The following ANKS3 variants were observed in gnomAD, a reference collection of about 807,000 sequenced individuals.
The protein encoded by ANKS3 is ankyrin repeat and SAM domain-containing protein 3.
A neutral mutation model predicts 80.7 loss-of-function variants in ANKS3; 62 were observed. That is an observed-to-expected ratio of 0.77 (90% confidence interval 0.63 to 0.95). ANKS3 has a LOEUF of 0.95. ANKS3 is among the 40% of genes least tolerant of loss of function. The pLI, the probability that ANKS3 is intolerant of heterozygous loss-of-function variation, is 0.00. For synonymous variants in ANKS3, 489 were observed against 355.3 expected (o/e 1.38, Z -4.23); for missense variants, 1,150 against 883.6 (o/e 1.30, Z -3.82).
At chr16:4,702,035 G>C in intron 9 of ANKS3, 67 bp downstream of exon 9, 2 of 1,492,308 alleles carry the variant, frequency 1.3e-6, no homozygotes, top group Non-Finnish European at 1.8e-6. Flanking sequence ...GGGATAAGTG[G>C]GGATGGGCAC....
chr16:4,727,892 G>A (rs900511154), intron 3 of ANKS3: 2 of 152,984 alleles, frequency 1.3e-5, no homozygotes, highest in African/African-American at 4.8e-5. Flanking sequence ...TTGGGACAAG[G>A]GAGTCACATT....
intron 14 of ANKS3, 94 bp from the exon 15 acceptor site, chr16:4,698,156 C>G: frequency 3.6e-6 from 5 of 1,395,826 alleles, no homozygotes; most frequent in Non-Finnish European, 4.9e-6. Context: ...GGGGCTCAGC[C>G]CTGTCCTTGC....
Position 4,714,109 on chromosome 16 carries a change from G to T in ANKS3, c.651C>A (p.Ile217=). The T allele has an allele frequency of 6.2e-7, 1 of 1,614,170 alleles. No individual in the cohort carries two copies. The highest frequency in any genetic ancestry group is 8.5e-7 in the Non-Finnish European group (1 of 1,180,036). ...MLAKQYGHMK[I]VALMDTYSPS... ...GCGAGTAAGTGTCCATCAAGGCCAC[G>T]ATCTTCATGTGTCCGTACTGCTTGG... is the stretch of plus-strand genomic sequence containing the variant. Residue 217 remains isoleucine (I), a synonymous_variant, in exon 7 of 18, where the codon ATC becomes ATA. Coordinates refer to ENST00000304283, the MANE Select transcript of ANKS3 (RefSeq NM_133450.4).
intron 7 of ANKS3, 64 bp downstream of exon 7, chr16:4,713,987 C>G: frequency 6.3e-7 from 1 of 1,579,974 alleles, no homozygotes; most frequent in Non-Finnish European, 8.6e-7. Context: ...CTTTCTCTGC[C>G]AGGTCACCTA....
intron 1 of ANKS3, among the ~76,000 whole-genome samples, chr16:4,731,817 C>T (rs2081631943): frequency 6.6e-6 from 1 of 152,172 alleles, no homozygotes; most frequent in South Asian, 2.1e-4. Context: ...GTAACACTTT[C>T]CCCGAGATGG....
intron 5 of ANKS3, among the ~76,000 whole-genome samples, chr16:4,725,303 T>C (rs1432673862): frequency 1.3e-5 from 2 of 152,228 alleles, no homozygotes; most frequent in Non-Finnish European, 2.9e-5. Flanking sequence ...TGCTTGGTTA[T>C]GCTAACTCGG....
chr16:4,704,397 A>G (rs997049998), intron 8 of ANKS3, among the ~76,000 whole-genome samples: 2 of 152,114 alleles, frequency 1.3e-5, no homozygotes, highest in Admixed American at 1.3e-4. Flanking sequence ...CCTGGCTATG[A>G]GTGGGTGACA....
At chr16:4,699,709 T>TC (rs2079792874) in intron 11 of ANKS3, 1 of 158,952 alleles carries the variant, frequency 6.3e-6, no homozygotes, top group Admixed American at 5.9e-5. Context: ...GTCGGTGTGC[T>TC]TGAGGGGATC....
In ANKS3 at chr16:4,723,975, G is replaced by A. The variant is rs372509058; in HGVS notation, c.573+775C>T. On this transcript the variant is annotated intron_variant, in intron 6 of 17. Transcript: ENST00000304283. ...ACTTGGGGGCTGAGGCAGGAGGATC[G>A]CTTGAGCCCAGGAGGCTGAAGCTGC... is the stretch of plus-strand genomic sequence containing the variant. Among the ~76,000 whole-genome samples the A allele has an allele frequency of 1.6e-3, 245 of 152,220 alleles. 2 individuals are homozygous for A. Among genetic ancestry groups the A allele is most frequent in the Admixed American group, 0.014 (210 of 15,278 alleles).
At chr16:4,718,640 C>T (rs965365561) in intron 6 of ANKS3, among the ~76,000 whole-genome samples, 28 of 152,278 alleles carry the variant, frequency 1.8e-4, no homozygotes, top group African/African-American at 5.5e-4. Context: ...AACTACTGGG[C>T]GGCAGGAAAA....
chr16:4,696,917 G>A (rs1173953430), intron 17 of ANKS3, 21 bp from the exon 18 acceptor site: 1 of 1,099,854 alleles, frequency 9.1e-7, no homozygotes, highest in East Asian at 2.5e-5. Flanking sequence ...AAGCCCCGGT[G>A]AGAAGGGAGG....
At chr16:4,711,527 C>T (rs1025286408) in intron 7 of ANKS3, among the ~76,000 whole-genome samples, 2 of 151,324 alleles carry the variant, frequency 1.3e-5, no homozygotes, top group South Asian at 2.1e-4. Flanking sequence ...GAGACCAGCC[C>T]GGCCAACATG....
At chr16:4,699,438 T>C in intron 11 of ANKS3, 1 of 516,620 alleles carries the variant, frequency 1.9e-6, no homozygotes, top group Non-Finnish European at 3.5e-6. Flanking sequence ...CCACACATGC[T>C]CAGTTCTGTG....
chr16:4,706,427 G>T lies in ANKS3; in HGVS notation c.710-1174C>A, dbSNP rs893528692. 2.6e-5 allele frequency among the ~76,000 whole-genome samples: 4 copies of T among 152,006 alleles called. No individual in the cohort carries two copies. The South Asian group carries it at 8.3e-4, about 32-fold the overall frequency. ...TGTTTTTGTATTTTTAGTAGAGACG[G>T]GGTTTCACCATGTTGGCCAGGCTGG... is the stretch of plus-strand genomic sequence containing the variant. On this transcript the variant is annotated intron_variant, in intron 7 of 17. Transcript: ENST00000304283.
Position 4,698,874 on chromosome 16 carries a change from C to T in ANKS3, c.1477G>A (p.Gly493Arg), listed in dbSNP as rs368371967. ...ARWHSSARPP[G>R]DALELAYADR... is the part of the protein sequence containing the mutation. ...GCGTAGGCCAGCTCCAGGGCATCCC[C>T]GGGTGGGCGGGCACTGCTGTGCCAG... Residue 493 changes from glycine (G) to arginine (R), a missense_variant, in exon 13 of 18, where the codon GGG becomes AGG. Physicochemically the swap from Gly to Arg is moderately radical, Grantham distance 125. Coordinates refer to ENST00000304283, the MANE Select transcript of ANKS3 (RefSeq NM_133450.4). 48 of 1,601,042 alleles carry T rather than the reference C, an allele frequency of 3.0e-5. 1 individual carries two copies. Among genetic ancestry groups the T allele is most frequent in the Middle Eastern group, 3.3e-4 (2 of 6,032 alleles).
chr16:4,699,052 G>A lies in ANKS3; in HGVS notation c.1409C>T (p.Thr470Met), dbSNP rs1196124017. The stretch of plus-strand genomic sequence containing the variant: ...GCCAGAGCGGCCCTTCTGGACGCAC[G>A]TGATGCCAATTTCCTTCAGGTCGCT... ...TESDLKEIGI[T>M]LFGPKRKMTS... The change falls in exon 12 of 18, where the codon ACG becomes ATG. Residue 470 changes from threonine to methionine, a missense_variant and splice_region_variant. Thr to Met is a moderately conservative substitution (Grantham distance 81, BLOSUM62 -1). Transcript: ENST00000304283. 1.2e-5 allele frequency: 19 copies of A among 1,614,204 alleles called. No homozygotes were observed. The highest frequency in any genetic ancestry group is 5.3e-5 in the African/African-American group (4 of 75,074).
At chr16:4,698,251 C>T in intron 14 of ANKS3, 176 bp downstream of exon 14, 2 of 1,157,496 alleles carry the variant, frequency 1.7e-6, no homozygotes, top group Non-Finnish European at 1.2e-6. Context: ...CCGGACCCAA[C>T]TCCTGCCTGG....
chr16:4,698,264 C>G (rs113237597), intron 14 of ANKS3, 163 bp downstream of exon 14: 22 of 1,187,398 alleles, frequency 1.9e-5, no homozygotes, highest in African/African-American at 1.6e-4. Context: ...CTGCCTGGGT[C>G]TGCCTGCAGG....
intron 6 of ANKS3, among the ~76,000 whole-genome samples, chr16:4,724,004 G>A (rs746693605): frequency 5.3e-5 from 8 of 152,140 alleles, no homozygotes; most frequent in African/African-American, 9.7e-5. Flanking sequence ...AAGCTGCAGT[G>A]AGCCACGATC....
Sources: gnomAD v4.1 joint callset for allele counts (sites outside exome capture counted in the v4.1 genomes callset) on GRCh38, gnomAD v4.1.1 for gene constraint, MANE v1.5 for transcripts, NCBI Gene and HGNC (gene_info 2026-07-23, HGNC 2026-07-21) for gene names.